Variants in GRIN2B observed in about 807,000 individuals in gnomAD.
GRIN2B encodes glutamate ionotropic receptor NMDA type subunit 2B.
GRIN2B carries 5 observed loss-of-function variants against 114.5 expected under a neutral mutation model. The observed-to-expected ratio is 0.04, with a 90% CI of 0.02 to 0.09. GRIN2B has a LOEUF of 0.09. Among genes scored for constraint, GRIN2B ranks in the 10% least tolerant of loss-of-function variants. The pLI is 1.00. For missense variants in GRIN2B, 1,108 were observed against 1,943.5 expected (o/e 0.57, Z 8.08); for synonymous variants, 787 against 745.1 (o/e 1.06, Z -0.92).
At chr12:13,642,557 GC>G (rs1949729183) in intron 5 of GRIN2B, among the ~76,000 whole-genome samples, 1 of 152,092 alleles carries the variant, frequency 6.6e-6, no homozygotes, top group Non-Finnish European at 1.5e-5. Context: ...TTGATTATAA[GC>G]ATTCCCATGA....
rs1264550319 is a variant in GRIN2B at position 13,616,668 on chromosome 12, A to T, written c.1126-11T>A. On this transcript the variant is annotated splice_polypyrimidine_tract_variant and intron_variant, in intron 5 of 13. Transcript: ENST00000609686. The stretch of plus-strand genomic sequence containing the variant: ...TTTCCACTTCCCCACCTGCACAAGG[A>T]TGAACACAAGAATCAGAAACCACTG... 2 of 1,605,568 alleles carry T rather than the reference A, an allele frequency of 1.2e-6. No individual in the cohort carries two copies. Among genetic ancestry groups the T allele is most frequent in the Non-Finnish European group, 1.7e-6 (2 of 1,172,200 alleles).
chr12:13,644,538 G>T (rs926629438), intron 5 of GRIN2B, among the ~76,000 whole-genome samples: 1 of 152,122 alleles, frequency 6.6e-6, no homozygotes, highest in African/African-American at 2.4e-5. Context: ...AGCTGCATTA[G>T]TCCCTAACAG....
chr12:13,766,231 T>C (rs552180418), intron 3 of GRIN2B, among the ~76,000 whole-genome samples: 18 of 152,308 alleles, frequency 1.2e-4, no homozygotes, highest in African/African-American at 4.3e-4. Context: ...GGCAAGCTAA[T>C]TGGAAGATAA....
In GRIN2B at chr12:13,562,726, T is replaced by G; in HGVS notation, c.*57A>C. 1 of 1,391,160 alleles carries G rather than the reference T, an allele frequency of 7.2e-7. No individual in the cohort carries two copies. Among genetic ancestry groups the G allele is most frequent in the Non-Finnish European group, 1.0e-6 (1 of 976,788 alleles). The allele number at this position is 1,391,160 out of a possible 1,614,324, so 86.2% of individuals were successfully genotyped here. On this transcript the variant is annotated 3_prime_UTR_variant, in exon 14 of 14. Transcript: ENST00000609686. ...CCCGTCACCCTCCGTGACATGCGCATCACGCGACCCACAGCCTTACCCTCC... is the reference window on the plus strand; with the variant it reads ...CCCGTCACCCTCCGTGACATGCGCAGCACGCGACCCACAGCCTTACCCTCC...
At chr12:13,849,159 G>GA (rs538581735) in intron 3 of GRIN2B, among the ~76,000 whole-genome samples, 141 of 152,224 alleles carry the variant, frequency 9.3e-4, no homozygotes, top group African/African-American at 3.2e-3. Context: ...TAGATGTCTG[G>GA]AAAAAATGAC....
chr12:13,974,350 T>C (rs904537109), intron 2 of GRIN2B, among the ~76,000 whole-genome samples: 7 of 152,248 alleles, frequency 4.6e-5, no homozygotes, highest in Admixed American at 3.9e-4. Flanking sequence ...TCACTAACTA[T>C]ACAATCATGA....
At chr12:13,785,364 G>A (rs77591699) in intron 3 of GRIN2B, among the ~76,000 whole-genome samples, 18 of 152,196 alleles carry the variant, frequency 1.2e-4, no homozygotes, top group Middle Eastern at 3.4e-3. Context: ...TTCCTATCAC[G>A]TACAGAATGA....
rs1948244686 is a variant in GRIN2B at position 13,538,923 on chromosome 12, A to AT, written c.*23859dup. On this transcript the variant is annotated 3_prime_UTR_variant, in exon 14 of 14. Coordinates refer to ENST00000609686, the MANE Select transcript of GRIN2B (RefSeq NM_000834.5). ...CCTTTTTTTTTTAAACAAATCTCAG[A>AT]TTTTCAAATCAAACTTACTGTATAA... The AT allele has an allele frequency of 6.6e-6, 1 of 151,806 alleles. No homozygotes were observed. The highest frequency in any genetic ancestry group is 6.6e-5 in the Admixed American group (1 of 15,238). 9.4% of individuals were successfully genotyped at this position (151,806 alleles called of 1,614,324 possible). A position where few individuals can be genotyped will look rare whatever the true frequency, so the allele number is the denominator to read the frequency against.
chr12:13,582,112 C>T (rs149308454), intron 10 of GRIN2B, among the ~76,000 whole-genome samples: 3,512 of 152,324 alleles, frequency 0.023, 66 homozygotes, highest in Middle Eastern at 0.041. Context: ...AATCCTCCAT[C>T]TCAAAACATG....
At chr12:13,589,735 G>C (rs940829128) in intron 10 of GRIN2B, among the ~76,000 whole-genome samples, 2 of 152,250 alleles carry the variant, frequency 1.3e-5, no homozygotes, top group Admixed American at 6.5e-5. Context: ...TTAATAGCTA[G>C]TATGCTTTAA....
intron 10 of GRIN2B, among the ~76,000 whole-genome samples, chr12:13,604,226 A>G (rs1949206937): frequency 6.6e-6 from 1 of 152,178 alleles, no homozygotes; most frequent in African/African-American, 2.4e-5. Context: ...TTGCACCCAT[A>G]TTTAGGTACA....
Position 13,548,353 on chromosome 12 carries a change from C to A in GRIN2B, c.*14430G>T, listed in dbSNP as rs923947948. ...TCCTCCATTGGCCGCTATGGTACAG[C>A]TCAGAAAAGCTGAACTTTTCATTTC... On this transcript the variant is annotated 3_prime_UTR_variant, in exon 14 of 14. Transcript: ENST00000609686. The A allele has an allele frequency of 1.3e-5, 2 of 151,984 alleles. No homozygotes were observed. Among genetic ancestry groups the A allele is most frequent in the African/African-American group, 4.8e-5 (2 of 41,366 alleles). 9.4% of individuals were successfully genotyped at this position (151,984 alleles called of 1,614,324 possible). A position where few individuals can be genotyped will look rare whatever the true frequency, so the allele number is the denominator to read the frequency against.
chr12:13,980,842 T>G (rs1863120199), intron 1 of GRIN2B, among the ~76,000 whole-genome samples: 1 of 152,038 alleles, frequency 6.6e-6, no homozygotes, highest in African/African-American at 2.4e-5. Context: ...GCTGAATGGG[T>G]TCTGATTGTG....
chr12:13,833,079 C>G (rs7955894), intron 3 of GRIN2B, among the ~76,000 whole-genome samples: 40,241 of 152,016 alleles, frequency 0.26, 5,650 homozygotes, highest in African/African-American at 0.33. Context: ...TGTTAAAGTA[C>G]TTATTACAGT....
Position 13,851,947 on chromosome 12 carries a change from G to C in GRIN2B, c.411+13851C>G, listed in dbSNP as rs561127782. Among the ~76,000 whole-genome samples the C allele has an allele frequency of 3.9e-5, 6 of 152,244 alleles. No individual in the cohort carries two copies. The East Asian group carries it at 1.2e-3, about 29-fold the overall frequency. On this transcript the variant is annotated intron_variant, in intron 3 of 13. Coordinates refer to ENST00000609686, the MANE Select transcript of GRIN2B (RefSeq NM_000834.5). Reference sequence around the variant, plus strand: ...GAGTAGGCAGAGGAGGAGGAGGGTGGGTGGGTGGAAGCAGCATGCAGAAAC... The same window carrying C: ...GAGTAGGCAGAGGAGGAGGAGGGTGCGTGGGTGGAAGCAGCATGCAGAAAC...
intron 3 of GRIN2B, among the ~76,000 whole-genome samples, chr12:13,767,047 G>C (rs1863806285): frequency 6.6e-6 from 1 of 152,108 alleles, no homozygotes; most frequent in African/African-American, 2.4e-5. Flanking sequence ...ACGAGGTCAG[G>C]AGAACAAGAC....
chr12:13,631,301 C>T (rs1233525441), intron 5 of GRIN2B, among the ~76,000 whole-genome samples: 1 of 152,162 alleles, frequency 6.6e-6, no homozygotes, highest in African/African-American at 2.4e-5. Flanking sequence ...GCATGAAGAC[C>T]TGGCCAAGCC....
chr12:13,619,385 G>A (rs1380787624), intron 5 of GRIN2B, among the ~76,000 whole-genome samples: 2 of 152,184 alleles, frequency 1.3e-5, no homozygotes, highest in Non-Finnish European at 2.9e-5. Context: ...TGGGGTGAAG[G>A]GAAGGTACGA....
intron 3 of GRIN2B, among the ~76,000 whole-genome samples, chr12:13,773,051 A>G (rs58760981): frequency 0.015 from 2,218 of 152,304 alleles, 54 homozygotes; most frequent in African/African-American, 0.05. Context: ...ACTCTTGAGC[A>G]GCCCCAGACC....
Sources: allele counts gnomAD v4.1 joint callset (sites outside exome capture counted in the v4.1 genomes callset), GRCh38; gene constraint gnomAD v4.1.1; transcripts MANE v1.5; gene names NCBI Gene and HGNC (gene_info 2026-07-23, HGNC 2026-07-21).